The following KCNIP4 variants were observed in gnomAD, a reference collection of about 807,000 sequenced individuals.
KCNIP4 encodes potassium voltage-gated channel interacting protein 4.
KCNIP4 carries 12 observed loss-of-function variants against 34.0 expected under a neutral mutation model. The observed-to-expected ratio is 0.35, with a 90% CI of 0.23 to 0.57. The LOEUF (loss-of-function observed/expected upper bound fraction) is 0.57. Ranked by LOEUF, KCNIP4 falls within the 20% of genes least tolerant of loss-of-function variation. KCNIP4 has a pLI of 0.83. For synonymous variants in KCNIP4, 124 were observed against 102.2 expected (o/e 1.21, Z -1.29); for missense variants, 238 against 311.7 (o/e 0.76, Z 1.78).
intron 5 of KCNIP4, among the ~76,000 whole-genome samples, chr4:20,739,841 C>G (rs1750624540): frequency 6.6e-6 from 1 of 152,088 alleles, no homozygotes; most frequent in African/African-American, 2.4e-5. Flanking sequence ...AGCTAAAAAC[C>G]TTGAGAAAAG....
intron 1 of KCNIP4, among the ~76,000 whole-genome samples, chr4:21,031,763 G>T (rs964074605): frequency 2.0e-5 from 3 of 152,138 alleles, no homozygotes; most frequent in Non-Finnish European, 4.4e-5. Flanking sequence ...ATACAAATTC[G>T]AGTTATGTAG....
intron 1 of KCNIP4, among the ~76,000 whole-genome samples, chr4:20,939,343 A>G (rs535702066): frequency 5.3e-5 from 8 of 152,156 alleles, no homozygotes; most frequent in African/African-American, 1.7e-4. Flanking sequence ...GCTAGATGTT[A>G]AACTTTCAGC....
chr4:21,661,041 T>A (rs140858008), intron 1 of KCNIP4, among the ~76,000 whole-genome samples: 1 of 152,004 alleles, frequency 6.6e-6, no homozygotes, highest in Non-Finnish European at 1.5e-5. Flanking sequence ...CCAAGCTCCA[T>A]AGGCAGAGCA....
chr4:21,491,981 C>T (rs955227147), intron 1 of KCNIP4, among the ~76,000 whole-genome samples: 5 of 152,148 alleles, frequency 3.3e-5, no homozygotes, highest in Non-Finnish European at 5.9e-5. Flanking sequence ...TTCCAATTCC[C>T]TGGCACAGGA....
At chr4:21,188,184 C>T (rs1173967946) in intron 1 of KCNIP4, among the ~76,000 whole-genome samples, 2 of 152,116 alleles carry the variant, frequency 1.3e-5, no homozygotes, top group Non-Finnish European at 2.9e-5. Context: ...GACAACATTG[C>T]TCCAAAGAGT....
chr4:21,117,881 T>A (rs945561760), intron 1 of KCNIP4, among the ~76,000 whole-genome samples: 2 of 152,136 alleles, frequency 1.3e-5, no homozygotes, highest in African/African-American at 4.8e-5. Context: ...TGCAGCCAAA[T>A]TTTTTGTTAG....
At chr4:21,489,088 C>T (rs1266899202) in intron 1 of KCNIP4, among the ~76,000 whole-genome samples, 3 of 152,044 alleles carry the variant, frequency 2.0e-5, no homozygotes, top group Admixed American at 2.0e-4. Flanking sequence ...CTTTTAGACA[C>T]AGCACAATAG....
intron 1 of KCNIP4, among the ~76,000 whole-genome samples, chr4:21,784,242 T>C (rs1164378842): frequency 6.6e-6 from 1 of 152,046 alleles, no homozygotes; most frequent in East Asian, 1.9e-4. Flanking sequence ...ATTATTACAA[T>C]TTGAGATGAG....
intron 7 of KCNIP4, 128 bp downstream of exon 7, chr4:20,732,553 C>A (rs6811933): frequency 1.6e-5 from 11 of 681,846 alleles, no homozygotes; most frequent in Non-Finnish European, 2.6e-5. Context: ...TAATAGGATG[C>A]TAAATACTGT....
intron 1 of KCNIP4, among the ~76,000 whole-genome samples, chr4:21,429,234 C>T (rs1033147821): frequency 4.0e-5 from 6 of 150,744 alleles, no homozygotes; most frequent in Non-Finnish European, 8.9e-5. Context: ...GCATACATTA[C>T]ACAGTTACAC....
chr4:20,854,049 C>A (rs555644392), intron 2 of KCNIP4, among the ~76,000 whole-genome samples: 1 of 152,222 alleles, frequency 6.6e-6, no homozygotes, highest in East Asian at 1.9e-4. Flanking sequence ...GTGGGAATGT[C>A]AACTAGTACA....
At chr4:21,947,087 G>C (rs116498023) in intron 1 of KCNIP4, among the ~76,000 whole-genome samples, 4 of 152,124 alleles carry the variant, frequency 2.6e-5, no homozygotes, top group Admixed American at 6.5e-5. Context: ...CTCCAGCCTT[G>C]AGTTCCCTGG....
intron 1 of KCNIP4, among the ~76,000 whole-genome samples, chr4:21,610,996 G>A (rs1274486357): frequency 6.6e-6 from 1 of 151,970 alleles, no homozygotes; most frequent in African/African-American, 2.4e-5. Context: ...AGGCCCCAGT[G>A]TGTGATGTTC....
At chr4:21,066,051 G>A (rs1044393520) in intron 1 of KCNIP4, among the ~76,000 whole-genome samples, 4 of 151,778 alleles carry the variant, frequency 2.6e-5, no homozygotes, top group Non-Finnish European at 5.9e-5. Flanking sequence ...AGTTTTTATA[G>A]ACCCTAGGGT....
intron 1 of KCNIP4, among the ~76,000 whole-genome samples, chr4:21,828,901 A>C (rs543965647): frequency 4.6e-5 from 7 of 152,132 alleles, no homozygotes; most frequent in African/African-American, 1.4e-4. Flanking sequence ...GAGCTTTGCA[A>C]TGCAGTAAGA....
At chr4:20,953,712 CTGAATGAA>C (rs1560597394) in intron 1 of KCNIP4, among the ~76,000 whole-genome samples, 1 of 152,112 alleles carries the variant, frequency 6.6e-6, no homozygotes, top group Non-Finnish European at 1.5e-5. Flanking sequence ...CTGTAATTTA[CTGAATGAA>C]TGAATGAATG....
intron 1 of KCNIP4, among the ~76,000 whole-genome samples, chr4:20,941,614 A>G (rs1304677585): frequency 6.6e-6 from 1 of 152,228 alleles, no homozygotes; most frequent in Non-Finnish European, 1.5e-5. Flanking sequence ...GGCAAACAAC[A>G]AAATGCTACT....
chr4:21,486,321 G>A (rs948689213), intron 1 of KCNIP4, among the ~76,000 whole-genome samples: 1 of 152,084 alleles, frequency 6.6e-6, no homozygotes, highest in Non-Finnish European at 1.5e-5. Flanking sequence ...CTTTGGGCTT[G>A]GATTGGGACA....
At position 20,750,401 on chromosome 4, in the gene KCNIP4, G is replaced by A. The variant is rs114643439; in HGVS notation, c.359-669C>T. The stretch of plus-strand genomic sequence containing the variant: ...TGTGGCTGTGTTGGAAGGGGACTGG[G>A]TGGTCCTACATGTTCCTAGTTGTAT... On this transcript the variant is annotated intron_variant, in intron 4 of 8. Coordinates refer to ENST00000382152, the MANE Select transcript of KCNIP4 (RefSeq NM_025221.6). 7.5e-3 allele frequency among the ~76,000 whole-genome samples: 1,135 copies of A among 152,236 alleles called. 14 individuals carry two copies. The highest frequency in any genetic ancestry group is 0.026 in the African/African-American group (1,070 of 41,542).
Sources: allele counts gnomAD v4.1 joint callset (sites outside exome capture counted in the v4.1 genomes callset), GRCh38; gene constraint gnomAD v4.1.1; transcripts MANE v1.5; gene names NCBI Gene and HGNC (gene_info 2026-07-23, HGNC 2026-07-21).